The following RTL4 variants were observed in gnomAD, a reference collection of about 807,000 sequenced individuals.
RTL4 encodes the protein retrotransposon Gag like 4.
RTL4 carries 4 observed loss-of-function variants against 5.3 expected under a neutral mutation model. The observed-to-expected ratio is 0.75, with a 90% CI of 0.37 to 1.72. The LOEUF (loss-of-function observed/expected upper bound fraction) is 1.72, where lower values mean the gene tolerates loss of function less well. RTL4 is among the 40% of genes most tolerant of loss of function. RTL4 has a pLI of 0.04. For missense variants in RTL4, 260 were observed against 227.1 expected (o/e 1.14, Z -0.93); for synonymous variants, 98 against 87.3 (o/e 1.12, Z -0.68).
At chrX:112,357,586 C>G in the RTL4 span, among the ~76,000 whole-genome samples, 18 of 112,028 alleles carry the variant, frequency 1.6e-4, no homozygotes, top group Non-Finnish European at 2.8e-4. Flanking sequence ...TGCCCTTAAC[C>G]TCATCTGTAC....
At chrX:112,353,525 C>G in the RTL4 span, among the ~76,000 whole-genome samples, 1 of 110,985 alleles carries the variant, frequency 9.0e-6, no homozygotes, top group Non-Finnish European at 1.9e-5. Flanking sequence ...GAGTTCATGT[C>G]CATTGTAGGG....
At chrX:112,194,327 G>A in the RTL4 span, among the ~76,000 whole-genome samples, 1 of 111,039 alleles carries the variant, frequency 9.0e-6, no homozygotes, top group Non-Finnish European at 1.9e-5. Flanking sequence ...GTGGTAATTA[G>A]GGTTAGATGG....
chrX:112,095,064 G>A, the RTL4 span, among the ~76,000 whole-genome samples: 1 of 110,860 alleles, frequency 9.0e-6, no homozygotes, highest in African/African-American at 3.3e-5. Flanking sequence ...AGAGGAGAAG[G>A]AAAGAGAAGA....
chrX:112,413,859 G>T, the RTL4 span, among the ~76,000 whole-genome samples: 2 of 110,852 alleles, frequency 1.8e-5, no homozygotes, highest in Non-Finnish European at 3.8e-5. Context: ...TGGATTGTTT[G>T]TAACACAAAC....
chrX:112,189,890 TAACAAC>T, the RTL4 span, among the ~76,000 whole-genome samples: 1 of 111,674 alleles, frequency 9.0e-6, no homozygotes, highest in African/African-American at 3.3e-5. Flanking sequence ...CTCACCCAAA[TAACAAC>T]AACAACAACA....
upstream of RTL4, among the ~76,000 whole-genome samples, chrX:112,453,294 T>C (rs1926775522): frequency 8.9e-6 from 1 of 111,860 alleles, no homozygotes; most frequent in African/African-American, 3.3e-5. Flanking sequence ...TAAATATATT[T>C]AAATAGCATG....
the RTL4 span, among the ~76,000 whole-genome samples, chrX:112,370,146 G>A: frequency 9.0e-6 from 1 of 111,261 alleles, no homozygotes; most frequent in African/African-American, 3.3e-5. Context: ...TAAGATTATC[G>A]AGTATGAGTG....
chrX:112,332,825 T>A, the RTL4 span, among the ~76,000 whole-genome samples: 1 of 111,111 alleles, frequency 9.0e-6, no homozygotes, highest in African/African-American at 3.3e-5. Context: ...GAACTTAAAG[T>A]TAACAATAAA....
the RTL4 span, among the ~76,000 whole-genome samples, chrX:112,395,426 A>G: frequency 9.0e-6 from 1 of 111,286 alleles, no homozygotes; most frequent in Non-Finnish European, 1.9e-5. Flanking sequence ...CTTCAAATAT[A>G]TAAAATAAAA....
the RTL4 span, among the ~76,000 whole-genome samples, chrX:112,327,218 A>T: frequency 8.9e-6 from 1 of 112,039 alleles, no homozygotes; most frequent in East Asian, 2.8e-4. Flanking sequence ...GAGCTATGGG[A>T]GGACATTCAA....
the RTL4 span, among the ~76,000 whole-genome samples, chrX:112,204,311 G>T: frequency 4.5e-5 from 5 of 112,025 alleles, no homozygotes; most frequent in African/African-American, 6.5e-5. Flanking sequence ...CAATCTCATT[G>T]CTGGCTATAT....
At chrX:112,340,645 A>C in the RTL4 span, among the ~76,000 whole-genome samples, 1 of 109,766 alleles carries the variant, frequency 9.1e-6, no homozygotes, top group Admixed American at 9.8e-5. Flanking sequence ...AGGACAAAAA[A>C]AAAAGCTCCC....
the RTL4 span, among the ~76,000 whole-genome samples, chrX:112,261,158 T>C: frequency 1.6e-3 from 177 of 111,768 alleles, 1 homozygote; most frequent in Non-Finnish European, 2.7e-3. Flanking sequence ...AGTTGAAAGA[T>C]GATTATAAAC....
the RTL4 span, among the ~76,000 whole-genome samples, chrX:112,215,499 T>C: frequency 5.0e-3 from 561 of 112,265 alleles, 3 homozygotes; most frequent in African/African-American, 0.017. Flanking sequence ...AACTCTTTAT[T>C]ATCAATTTGA....
At chrX:112,119,010 ATTTT>A in the RTL4 span, among the ~76,000 whole-genome samples, 1 of 91,949 alleles carries the variant, frequency 1.1e-5, no homozygotes, top group African/African-American at 4.1e-5. Flanking sequence ...CACCCAGCTA[ATTTT>A]TTTTTTTTTT....
chrX:112,309,234 C>A, the RTL4 span, among the ~76,000 whole-genome samples: 5 of 110,976 alleles, frequency 4.5e-5, no homozygotes, highest in African/African-American at 1.3e-4. Context: ...TAAGGTCTTT[C>A]TTCTTAGCTT....
At chrX:112,408,728 C>T in the RTL4 span, among the ~76,000 whole-genome samples, 2 of 111,254 alleles carry the variant, frequency 1.8e-5, no homozygotes, top group Non-Finnish European at 3.8e-5. Flanking sequence ...ATTCAAACTC[C>T]CAAAGGTAAA....
chrX:112,452,028 G>T (rs989768198), upstream of RTL4, among the ~76,000 whole-genome samples: 2 of 110,314 alleles, frequency 1.8e-5, no homozygotes, highest in Non-Finnish European at 3.8e-5. Flanking sequence ...CTAGGGATTG[G>T]GTCTGAGTTG....
chrX:112,327,858 T>C, the RTL4 span, among the ~76,000 whole-genome samples: 9 of 111,110 alleles, frequency 8.1e-5, no homozygotes, highest in Non-Finnish European at 1.3e-4. Context: ...TATTCAACAT[T>C]CTTAAAGAAA....
Sources: gnomAD v4.1 joint callset for allele counts (sites outside exome capture counted in the v4.1 genomes callset) on GRCh38, gnomAD v4.1.1 for gene constraint, MANE v1.5 for transcripts, NCBI Gene and HGNC (gene_info 2026-07-23, HGNC 2026-07-21) for gene names.